The following TMEM272 variants were observed in gnomAD, a reference collection of about 807,000 sequenced individuals.
TMEM272 encodes transmembrane protein 272.
Under a neutral mutation model 3.7 loss-of-function variants are expected in TMEM272, and 8 were observed. The ratio of observed to expected loss-of-function variants is 2.17; its 90% confidence interval spans 1.27 to 3.91. The LOEUF (loss-of-function observed/expected upper bound fraction) is 3.91, where lower values mean the gene tolerates loss of function less well. TMEM272 is among the 30% of genes most tolerant of loss of function. TMEM272 has a pLI of 0.00. For missense variants in TMEM272, 166 were observed against 91.5 expected, an observed-to-expected ratio of 1.81 and a Z score of -3.32; for synonymous variants, 63 against 39.8, an observed-to-expected ratio of 1.58 and a Z score of -2.20.
chr13:51,926,098 T>C, the TMEM272 span, among the ~76,000 whole-genome samples: 1 of 151,454 alleles, frequency 6.6e-6, no homozygotes, highest in African/African-American at 2.4e-5. Context: ...TGGTATGTGG[T>C]GTGTGTGGTG....
chr13:51,826,585 C>A lies in TMEM272; in HGVS notation c.99G>T (p.Pro33=), dbSNP rs1391072383. 6 of 702,560 alleles carry A rather than the reference C, an allele frequency of 8.5e-6. No homozygotes were observed. The highest frequency in any genetic ancestry group is 1.6e-5 in the Non-Finnish European group (6 of 385,002). The allele number at this position is 702,560 out of a possible 1,614,324, so 43.5% of individuals were successfully genotyped here. The change falls in exon 3 of 5, where the codon CCG becomes CCT. Residue 33 remains proline (P), a synonymous_variant. Coordinates refer to ENST00000629372, the MANE Select transcript of TMEM272 (RefSeq NM_001351003.2). The stretch of plus-strand genomic sequence containing the variant: ...GCTTACCTATGAAGGTCATGGACAG[C>A]GGCAGAGCCAGGAAAGCACAGAGCA... ...VVVLCAFLAL[P]LSMTFIGMKF... is the part of the protein sequence containing the mutation.
the TMEM272 span, among the ~76,000 whole-genome samples, chr13:51,878,420 ACT>A: frequency 1.6e-4 from 24 of 152,200 alleles, no homozygotes; most frequent in South Asian, 4.2e-3. Flanking sequence ...ACAGAGCGAG[ACT>A]CTGTCAAAAA....
At chr13:51,843,487 T>C (rs994688874) in intron 1 of TMEM272, among the ~76,000 whole-genome samples, 3 of 152,214 alleles carry the variant, frequency 2.0e-5, no homozygotes, top group Non-Finnish European at 4.4e-5. Flanking sequence ...TACATACTAA[T>C]GATGGATTCA....
At chr13:51,888,220 A>G in the TMEM272 span, among the ~76,000 whole-genome samples, 2 of 151,590 alleles carry the variant, frequency 1.3e-5, no homozygotes, top group Non-Finnish European at 2.9e-5. Context: ...TAATTTTTGT[A>G]TTTTTAGTAG....
At chr13:51,826,836 C>T (rs1031392812) in intron 2 of TMEM272, among the ~76,000 whole-genome samples, 2 of 152,190 alleles carry the variant, frequency 1.3e-5, no homozygotes. Flanking sequence ...GAACATCTCT[C>T]GTGATCACTT....
chr13:51,843,148 T>C (rs1956276145), intron 1 of TMEM272, among the ~76,000 whole-genome samples: 3 of 152,244 alleles, frequency 2.0e-5, no homozygotes, highest in Admixed American at 1.3e-4. Context: ...TTGCCAGTGA[T>C]ATTTTGCCAA....
chr13:51,893,844 G>T, the TMEM272 span, among the ~76,000 whole-genome samples: 1 of 152,126 alleles, frequency 6.6e-6, no homozygotes, highest in African/African-American at 2.4e-5. Context: ...CCAAAAGCTT[G>T]TCATCTTGTT....
chr13:51,929,615 C>T, the TMEM272 span, among the ~76,000 whole-genome samples: 1 of 152,250 alleles, frequency 6.6e-6, no homozygotes, highest in Admixed American at 6.5e-5. Context: ...ACAGATTCAA[C>T]TCCTAAGGAA....
the TMEM272 span, among the ~76,000 whole-genome samples, chr13:51,895,184 T>C: frequency 1.7e-4 from 26 of 152,270 alleles, 1 homozygote; most frequent in South Asian, 2.1e-3. Flanking sequence ...TACTGGTCCA[T>C]AGCCCAGGGG....
At chr13:51,899,578 A>G in the TMEM272 span, among the ~76,000 whole-genome samples, 1 of 152,202 alleles carries the variant, frequency 6.6e-6, no homozygotes, top group Non-Finnish European at 1.5e-5. Context: ...TATTTCCCAA[A>G]TTGATGAACA....
chr13:51,886,038 G>A, the TMEM272 span, among the ~76,000 whole-genome samples: 1 of 152,170 alleles, frequency 6.6e-6, no homozygotes. Flanking sequence ...TCTTCAGAAG[G>A]CTTTCTTCCA....
the TMEM272 span, among the ~76,000 whole-genome samples, chr13:51,894,398 T>C: frequency 6.6e-6 from 1 of 152,112 alleles, no homozygotes. Flanking sequence ...GTAATAAAAA[T>C]CCAAGATAGA....
chr13:51,823,464 T>C (rs1956097803), intron 3 of TMEM272, among the ~76,000 whole-genome samples: 1 of 152,272 alleles, frequency 6.6e-6, no homozygotes, highest in South Asian at 2.1e-4. Context: ...GGAGATGGAT[T>C]GTTCTCAAGA....
the TMEM272 span, chr13:51,908,907 C>T: frequency 7.1e-7 from 1 of 1,406,662 alleles, no homozygotes; most frequent in Non-Finnish European, 1.0e-6. Context: ...GCTTGATTCT[C>T]CTCTTTCCTT....
intron 2 of TMEM272, among the ~76,000 whole-genome samples, chr13:51,834,276 C>G (rs1956196843): frequency 1.3e-5 from 2 of 152,148 alleles, no homozygotes; most frequent in Admixed American, 6.5e-5. Context: ...CGGGGGCCAC[C>G]TTTTAAACAT....
chr13:51,835,963 T>C (rs1956213417), intron 2 of TMEM272, among the ~76,000 whole-genome samples: 2 of 152,338 alleles, frequency 1.3e-5, no homozygotes, highest in Admixed American at 1.3e-4. Context: ...CATATTCCAA[T>C]GTTGATGACC....
the TMEM272 span, among the ~76,000 whole-genome samples, chr13:51,889,614 AT>A: frequency 1.3e-5 from 2 of 150,178 alleles, no homozygotes; most frequent in Non-Finnish European, 3.0e-5. Context: ...ACCCAATCCG[AT>A]TTGTTTTTTT....
At chr13:51,909,967 G>A in the TMEM272 span, 1 of 1,591,318 alleles carries the variant, frequency 6.3e-7, no homozygotes, top group Middle Eastern at 1.7e-4. Flanking sequence ...TGGCTTTCCT[G>A]AAGTTGACAA....
At chr13:51,883,934 C>T in the TMEM272 span, among the ~76,000 whole-genome samples, 1 of 152,230 alleles carries the variant, frequency 6.6e-6, no homozygotes, top group Non-Finnish European at 1.5e-5. Context: ...CCATTCTGCT[C>T]TTTCCCTTTG....
Sources: gnomAD v4.1 joint callset for allele counts (sites outside exome capture counted in the v4.1 genomes callset) on GRCh38, gnomAD v4.1.1 for gene constraint, MANE v1.5 for transcripts, NCBI Gene and HGNC (gene_info 2026-07-23, HGNC 2026-07-21) for gene names.